The following NOTCH2NLB variants were observed in gnomAD, a reference collection of about 807,000 sequenced individuals.
NOTCH2NLB encodes the protein notch 2 N-terminal like B.
A neutral mutation model predicts 14.8 loss-of-function variants in NOTCH2NLB; 1 was observed. The ratio of observed to expected loss-of-function variants is 0.07; its 90% CI spans 0.02 to 0.32. NOTCH2NLB has a LOEUF of 0.32. Among genes scored for constraint, NOTCH2NLB ranks in the 10% least tolerant of loss-of-function variants. The probability of loss-of-function intolerance (pLI) is 1.00; values close to 1 mark genes in which losing one functional copy is unlikely to be tolerated. For synonymous variants in NOTCH2NLB, 6 were observed against 57.5 expected (o/e 0.10, Z 4.05); for missense variants, 11 against 155.0 (o/e 0.07, Z 4.93).
chr1:148,601,408 A>G, the NOTCH2NLB span, among the ~76,000 whole-genome samples: 1 of 150,910 alleles, frequency 6.6e-6, no homozygotes, highest in South Asian at 2.1e-4. Context: ...GGGAAAGGTA[A>G]ACAGACAAGT....
chr1:148,673,827 C>T, intron 1 of NOTCH2NLB, among the ~76,000 whole-genome samples: 1 of 128,000 alleles, frequency 7.8e-6, no homozygotes, highest in South Asian at 3.1e-4. Context: ...CTTTGATTTC[C>T]CAGATTCACT....
At position 148,625,393 on chromosome 1, in the gene NOTCH2NLB, CAAT is replaced by C. The variant is rs1394915133; in HGVS notation, c.78-9446_78-9444del. On this transcript the variant is annotated intron_variant, in intron 2 of 4. Transcript: ENST00000593495. The stretch of plus-strand genomic sequence containing the variant: ...GATTTGGCCATTCAAGAAACAACAA[CAAT>C]AACAACAAAGCAAAATCCCACCACA... Among the ~76,000 whole-genome samples the C allele has an allele frequency of 1.2e-3, 99 of 84,590 alleles. 16 individuals carry two copies. The highest frequency in any genetic ancestry group is 4.6e-3 in the African/African-American group (82 of 17,706). The allele number at this position is 84,590 out of a possible 152,430, so 55.5% of individuals were successfully genotyped here.
At chr1:148,629,544 AAG>A (rs1440782469) in intron 2 of NOTCH2NLB, among the ~76,000 whole-genome samples, 1 of 109,202 alleles carries the variant, frequency 9.2e-6, no homozygotes, top group Non-Finnish European at 1.8e-5. Context: ...TCTATTTTTT[AAG>A]AGTGACCCAG....
intron 2 of NOTCH2NLB, among the ~76,000 whole-genome samples, chr1:148,625,881 C>A: frequency 2.8e-5 from 2 of 70,964 alleles, no homozygotes; most frequent in African/African-American, 8.5e-5. Flanking sequence ...TACTCTGTCC[C>A]CCCTGTTAAA....
At chr1:148,662,589 CA>C (rs1263707994) in intron 1 of NOTCH2NLB, among the ~76,000 whole-genome samples, 1 of 31,854 alleles carries the variant, frequency 3.1e-5, no homozygotes, top group African/African-American at 2.3e-4. Flanking sequence ...GCCTATTTCA[CA>C]TGTATCAACA....
intron 1 of NOTCH2NLB, among the ~76,000 whole-genome samples, chr1:148,645,669 C>T (rs1195833244): frequency 1.0e-3 from 154 of 148,450 alleles, no homozygotes; most frequent in African/African-American, 3.6e-3. Context: ...TTCCTCATTA[C>T]TATCTAAATT....
At chr1:148,608,575 T>C (rs1571085878) in intron 3 of NOTCH2NLB, among the ~76,000 whole-genome samples, 2 of 151,932 alleles carry the variant, frequency 1.3e-5, no homozygotes, top group African/African-American at 4.8e-5. Context: ...ACTGGCAGGG[T>C]TGGGTCTCCG....
At chr1:148,610,913 AG>A (rs1491260157) in intron 3 of NOTCH2NLB, among the ~76,000 whole-genome samples, 3 of 88,240 alleles carry the variant, frequency 3.4e-5, no homozygotes, top group African/African-American at 6.0e-5. Flanking sequence ...AAAAAAAAAA[AG>A]GTGATCAGAA....
At chr1:148,649,617 T>C (rs1664449609) in intron 1 of NOTCH2NLB, among the ~76,000 whole-genome samples, 2 of 151,478 alleles carry the variant, frequency 1.3e-5, no homozygotes, top group African/African-American at 4.9e-5. Context: ...TTCACGCCAT[T>C]CTCCTGCCTC....
In NOTCH2NLB at chr1:148,679,645, G is replaced by C; in HGVS notation, c.-181C>G. On this transcript the variant is annotated 5_prime_UTR_variant, in exon 1 of 5. Transcript: ENST00000593495. ...CCCTCCTCCTGCTTCAAAGGCTCAG[G>C]CCCTGGCGCTACGCTCCGAAGCCCA... The C allele has an allele frequency of 3.9e-6, 4 of 1,037,152 alleles. 1 individual carries two copies. Among genetic ancestry groups the C allele is most frequent in the Non-Finnish European group, 4.9e-6 (4 of 821,000 alleles). The allele number at this position is 1,037,152 out of a possible 1,614,324, so 64.2% of individuals were successfully genotyped here.
Position 148,645,897 on chromosome 1 carries a change from G to A in NOTCH2NLB, c.4-5808C>T, listed in dbSNP as rs1263505230. The stretch of plus-strand genomic sequence containing the variant: ...TTTTCTGAGTATTTGAAGCAATGCA[G>A]TTAAGCAGTTGAAAGCATGGATGCA... On this transcript the variant is annotated intron_variant, in intron 1 of 4. Coordinates refer to ENST00000593495, the Ensembl canonical transcript of NOTCH2NLB. Among the ~76,000 whole-genome samples the A allele has an allele frequency of 5.1e-3, 768 of 150,580 alleles. 1 individual carries two copies. The highest frequency in any genetic ancestry group is 0.018 in the African/African-American group (729 of 40,928).
chr1:148,703,368 G>A, the NOTCH2NLB span, among the ~76,000 whole-genome samples: 1 of 109,622 alleles, frequency 9.1e-6, no homozygotes, highest in African/African-American at 3.0e-5. Context: ...AACAAAGGAA[G>A]GAATGGTTAA....
At chr1:148,625,660 G>GC (rs1230165390) in intron 2 of NOTCH2NLB, among the ~76,000 whole-genome samples, 3 of 119,188 alleles carry the variant, frequency 2.5e-5, no homozygotes, top group Non-Finnish European at 5.0e-5. Flanking sequence ...GGGCCTCTTG[G>GC]CCCCCCAATC....
In NOTCH2NLB at chr1:148,628,066, A is replaced by C. The variant is rs1401980740; in HGVS notation, c.77+11950T>G. Among the ~76,000 whole-genome samples, 272 of 111,964 alleles carry C rather than the reference A, an allele frequency of 2.4e-3. 1 individual carries two copies. The highest frequency in any genetic ancestry group is 0.022 in the Middle Eastern group (5 of 232). The allele number at this position is 111,964 out of a possible 152,430, so 73.5% of individuals were successfully genotyped here. A position where few individuals can be genotyped will look rare whatever the true frequency, so the allele number is the denominator to read the frequency against. On this transcript the variant is annotated intron_variant, in intron 2 of 4. Transcript: ENST00000593495. ...GTCAAATTGGGCCAACTCCATGCAA[A>C]GTAGATTATTTTTTAATCACCTTCC...
rs1184826134 is a variant in NOTCH2NLB, at chr1:148,670,119, T to C, written c.3+9343A>G. Among the ~76,000 whole-genome samples the C allele has an allele frequency of 3.5e-4, 31 of 87,946 alleles. 1 individual carries two copies. The highest frequency in any genetic ancestry group is 1.1e-3 in the African/African-American group (29 of 27,490). The allele number at this position is 87,946 out of a possible 152,430, so 57.7% of individuals were successfully genotyped here. On this transcript the variant is annotated intron_variant, in intron 1 of 4. Coordinates refer to ENST00000593495, the Ensembl canonical transcript of NOTCH2NLB. Reference sequence around the variant, plus strand: ...CAGTTAACAAATGAATTAACCAATATCATTAGAAACCAAAGGATTAAAAAA... The same window carrying C: ...CAGTTAACAAATGAATTAACCAATACCATTAGAAACCAAAGGATTAAAAAA...
chr1:148,636,977 G>C (rs1482014357), intron 2 of NOTCH2NLB, among the ~76,000 whole-genome samples: 1 of 143,614 alleles, frequency 7.0e-6, no homozygotes, highest in Non-Finnish European at 1.5e-5. Flanking sequence ...AAAGACATCT[G>C]AGGGACATAC....
At position 148,610,392 on chromosome 1, in the gene NOTCH2NLB, A is replaced by G. The variant is rs1282549183; in HGVS notation, c.338-2647T>C. Among the ~76,000 whole-genome samples the G allele has an allele frequency of 9.6e-3, 1,108 of 114,830 alleles. 14 individuals carry two copies. Among genetic ancestry groups the G allele is most frequent in the African/African-American group, 0.026 (655 of 25,622 alleles). 75.3% of individuals were successfully genotyped at this position (114,830 alleles called of 152,430 possible). Reference sequence around the variant, plus strand: ...AAGAAAGAGAAAGAAAGAAAGAAAGAAAGGGAGAAAGAAAGAAAGAATCAA... The same window carrying G: ...AAGAAAGAGAAAGAAAGAAAGAAAGGAAGGGAGAAAGAAAGAAAGAATCAA... On this transcript the variant is annotated intron_variant, in intron 3 of 4. Coordinates refer to ENST00000593495, the Ensembl canonical transcript of NOTCH2NLB.
At chr1:148,645,766 C>G (rs1346960668) in intron 1 of NOTCH2NLB, among the ~76,000 whole-genome samples, 1 of 150,828 alleles carries the variant, frequency 6.6e-6, no homozygotes, top group Non-Finnish European at 1.5e-5. Flanking sequence ...GGGCCACCCC[C>G]CCACCCATCC....
At chr1:148,661,592 T>C (rs1458170333) in intron 1 of NOTCH2NLB, among the ~76,000 whole-genome samples, 1 of 150,078 alleles carries the variant, frequency 6.7e-6, no homozygotes, top group African/African-American at 2.4e-5. Flanking sequence ...AGCCCTTCTA[T>C]CAAAGCTCTT....
Sources: allele counts gnomAD v4.1 joint callset (sites outside exome capture counted in the v4.1 genomes callset), GRCh38; gene constraint gnomAD v4.1.1; transcripts MANE v1.5; gene names NCBI Gene and HGNC (gene_info 2026-07-23, HGNC 2026-07-21).